Variants in JCAD observed in about 807,000 individuals in gnomAD.
The protein encoded by JCAD is junctional cadherin 5-associated protein.
JCAD carries 40 observed loss-of-function variants against 98.0 expected under a neutral mutation model. That is an observed-to-expected ratio of 0.41 (90% CI 0.32 to 0.53). The LOEUF is 0.53. Ranked by LOEUF, JCAD falls within the 20% of genes least tolerant of loss-of-function variation. The pLI, the probability that JCAD is intolerant of heterozygous loss-of-function variation, is 0.31. For missense variants in JCAD, 1,705 were observed against 1,738.1 expected, an observed-to-expected ratio of 0.98 and a Z score of 0.34; for synonymous variants, 691 against 682.3, an observed-to-expected ratio of 1.01 and a Z score of -0.20.
intron 1 of JCAD, among the ~76,000 whole-genome samples, chr10:30,092,375 G>A (rs1394899590): frequency 1.3e-5 from 2 of 151,620 alleles, no homozygotes; most frequent in African/African-American, 2.4e-5. Flanking sequence ...GCTCCTCCTG[G>A]CTTATGCTGG....
intron 1 of JCAD, among the ~76,000 whole-genome samples, chr10:30,102,655 A>G (rs1041257093): frequency 2.6e-5 from 4 of 152,148 alleles, no homozygotes; most frequent in Non-Finnish European, 5.9e-5. Context: ...GAGTTTGACT[A>G]TTTTAGATTC....
chr10:30,057,293 T>G (rs570395491), intron 1 of JCAD, among the ~76,000 whole-genome samples: 86 of 152,254 alleles, frequency 5.6e-4, no homozygotes, highest in Non-Finnish European at 1.1e-3. Flanking sequence ...CACAGACTTC[T>G]GGGCTTTCTG....
intron 1 of JCAD, 75 bp from the exon 2 acceptor site, chr10:30,047,946 T>G: frequency 1.2e-6 from 1 of 860,382 alleles, no homozygotes; most frequent in Non-Finnish European, 1.8e-6. Flanking sequence ...CCTCCCGTGG[T>G]CCCCCCACCA....
At chr10:30,058,816 A>T (rs1367011409) in intron 1 of JCAD, among the ~76,000 whole-genome samples, 1 of 152,136 alleles carries the variant, frequency 6.6e-6, no homozygotes, top group African/African-American at 2.4e-5. Context: ...CCCTTCTCCC[A>T]TCCCACGCGC....
intron 2 of JCAD, chr10:30,069,685 C>G (rs1044909724): frequency 1.3e-5 from 2 of 149,454 alleles, no homozygotes; most frequent in Non-Finnish European, 3.0e-5. Context: ...TGCCTGCAAG[C>G]GTGGTGGCAC....
intron 2 of JCAD, among the ~76,000 whole-genome samples, chr10:30,036,236 T>C (rs1169722141): frequency 6.6e-6 from 1 of 152,068 alleles, no homozygotes; most frequent in Non-Finnish European, 1.5e-5. Flanking sequence ...CTGAAGTCAG[T>C]AGTTCAAGAC....
chr10:30,027,788 T>A lies in JCAD; in HGVS notation c.2360A>T (p.Asp787Val), dbSNP rs1251516559. 1.3e-5 allele frequency: 21 copies of A among 1,614,096 alleles called. No homozygotes were observed. Among genetic ancestry groups the A allele is most frequent in the Non-Finnish European group, 1.8e-5 (21 of 1,180,030 alleles). The part of the protein sequence containing the change: ...PKAGRSQPCV[D>V]VHGLGAHPGP... The stretch of plus-strand genomic sequence containing the variant: ...AGGGTGGGCTCCAAGCCCGTGGACA[T>A]CCACGCAGGGCTGACTTCGGCCTGC... The change falls in exon 3 of 4, where the codon GAT (aspartate) becomes GTT (valine). Residue 787 changes from aspartate to valine, a missense_variant. Physicochemically the swap from Asp to Val is radical, Grantham distance 152. Around this residue, in one of 3 missense-constraint regions of JCAD, gnomAD observed 1,278 missense variants for 1,243.1 expected, o/e 1.03. Transcript: ENST00000375377.
At chr10:30,101,860 G>A (rs968520632) in intron 1 of JCAD, among the ~76,000 whole-genome samples, 1 of 152,198 alleles carries the variant, frequency 6.6e-6, no homozygotes, top group African/African-American at 2.4e-5. Context: ...AGAGACATTT[G>A]CATGGTGTCT....
intron 2 of JCAD, among the ~76,000 whole-genome samples, chr10:30,067,407 A>C (rs1589703332): frequency 6.6e-6 from 1 of 151,740 alleles, no homozygotes; most frequent in Admixed American, 6.6e-5. Flanking sequence ...GCTCACTGCA[A>C]CCTCCGCCTC....
chr10:30,037,461 A>G (rs1837139213), intron 2 of JCAD, among the ~76,000 whole-genome samples: 1 of 152,208 alleles, frequency 6.6e-6, no homozygotes, highest in Non-Finnish European at 1.5e-5. Flanking sequence ...TTGAACAAGA[A>G]TTGTAGGTTG....
chr10:30,095,745 A>T (rs1397553171), intron 1 of JCAD, among the ~76,000 whole-genome samples: 1 of 152,150 alleles, frequency 6.6e-6, no homozygotes, highest in Non-Finnish European at 1.5e-5. Flanking sequence ...GATGCTCAGG[A>T]GATATTGATG....
chr10:30,087,762 C>T (rs751235276), intron 1 of JCAD, among the ~76,000 whole-genome samples: 3 of 152,182 alleles, frequency 2.0e-5, no homozygotes, highest in Non-Finnish European at 2.9e-5. Context: ...AAAAGCAGGG[C>T]GGGGAAGTGG....
Position 30,027,830 on chromosome 10 carries a change from T to G in JCAD, c.2318A>C (p.Gln773Pro). 1 of 1,614,248 alleles carries G rather than the reference T, an allele frequency of 6.2e-7. No homozygotes were observed. The highest frequency in any genetic ancestry group is 2.2e-5 in the East Asian group (1 of 44,888). The change falls in exon 3 of 4, where the codon CAG (glutamine) becomes CCG (proline). Residue 773 changes from glutamine to proline, a missense_variant. Physicochemically the swap from Gln to Pro is moderately conservative, Grantham distance 76 (BLOSUM62 -1). Around this residue, in one of 3 missense-constraint regions of JCAD, gnomAD observed 1,278 missense variants for 1,243.1 expected, o/e 1.03. Coordinates refer to ENST00000375377, the MANE Select transcript of JCAD (RefSeq NM_020848.4). ...AFSRTSLSVD[Q>P]APTPKAGRSQ... ...TCGGCCTGCTTTTGGCGTCGGTGCC[T>G]GGTCCACGGACAAGGAAGTCCTTGA...
chr10:30,109,059 C>T (rs910220207), intron 1 of JCAD, among the ~76,000 whole-genome samples: 2 of 152,142 alleles, frequency 1.3e-5, no homozygotes, highest in Admixed American at 1.3e-4. Context: ...CCGCTGCACG[C>T]CCTGGCACCC....
At position 30,028,766 on chromosome 10, in the gene JCAD, T is replaced by G. The variant is rs1480903315; in HGVS notation, c.1382A>C (p.Gln461Pro). ...KSYNSSPVTA[Q>P]EPAHGGMQPD... Reference sequence around the variant, plus strand: ...CTGCATTCCTCCATGAGCCGGCTCTTGAGCAGTGACAGGACTGGAGTTATA... The same window carrying G: ...CTGCATTCCTCCATGAGCCGGCTCTGGAGCAGTGACAGGACTGGAGTTATA... Residue 461 changes from glutamine (Q) to proline (P), a missense_variant, in exon 3 of 4, where the codon CAA (glutamine) becomes CCA (proline). Physicochemically the swap from Gln to Pro is moderately conservative, Grantham distance 76. This residue lies in a region of JCAD where 1,278 missense variants were observed against 1,243.1 expected (regional missense o/e 1.03). Transcript: ENST00000375377. 1 of 1,614,238 alleles carries G rather than the reference T, an allele frequency of 6.2e-7. No individual in the cohort carries two copies. Among genetic ancestry groups the G allele is most frequent in the South Asian group, 1.1e-5 (1 of 91,088 alleles).
intron 3 of JCAD, among the ~76,000 whole-genome samples, chr10:30,021,397 G>A (rs1474449360): frequency 1.3e-5 from 2 of 151,996 alleles, no homozygotes; most frequent in African/African-American, 4.8e-5. Flanking sequence ...TGGGGGTCTC[G>A]CTATGTTGCC....
intron 1 of JCAD, among the ~76,000 whole-genome samples, chr10:30,088,498 T>C (rs978299671): frequency 1.1e-4 from 16 of 152,162 alleles, no homozygotes; most frequent in Non-Finnish European, 1.8e-4. Context: ...TCAAGTAGTT[T>C]GGGAGATAGC....
In JCAD at chr10:30,027,763, A is replaced by C; in HGVS notation, c.2385T>G (p.Pro795=). The stretch of plus-strand genomic sequence containing the variant: ...CCTTCACCACCTCCCGCTTAGGCCC[A>C]GGGTGGGCTCCAAGCCCGTGGACAT... ...CVDVHGLGAH[P]GPKREVVKGE... The change falls in exon 3 of 4, where the codon CCT becomes CCG. Residue 795 remains proline (P), a synonymous_variant. Coordinates refer to ENST00000375377, the MANE Select transcript of JCAD (RefSeq NM_020848.4). The C allele has an allele frequency of 6.2e-7, 1 of 1,614,200 alleles. No homozygotes were observed. Among genetic ancestry groups the C allele is most frequent in the Non-Finnish European group, 8.5e-7 (1 of 1,180,016 alleles).
chr10:30,105,309 C>T (rs955216661), intron 1 of JCAD, among the ~76,000 whole-genome samples: 4 of 151,894 alleles, frequency 2.6e-5, no homozygotes, highest in Middle Eastern at 3.5e-3. Context: ...CTGTGACATT[C>T]AATCCCTAAG....
Sources: allele counts gnomAD v4.1 joint callset (sites outside exome capture counted in the v4.1 genomes callset), GRCh38; gene constraint gnomAD v4.1.1; regional missense constraint gnomAD v4.1.1; transcripts MANE v1.5; gene names NCBI Gene and HGNC (gene_info 2026-07-23, HGNC 2026-07-21).